Variants in C2 observed in about 807,000 individuals in gnomAD.
The protein encoded by C2 is complement C2.
C2 carries 64 observed loss-of-function variants against 85.2 expected under a neutral mutation model. The observed-to-expected ratio is 0.75, with a 90% CI of 0.61 to 0.92. The LOEUF (loss-of-function observed/expected upper bound fraction) is 0.92, where lower values mean the gene tolerates loss of function less well. Ranked by LOEUF, C2 falls within the 40% of genes least tolerant of loss-of-function variation. The probability of loss-of-function intolerance (pLI) is 0.00; values close to 1 mark genes in which losing one functional copy is unlikely to be tolerated. For missense variants in C2, 820 were observed against 971.6 expected, an observed-to-expected ratio of 0.84 and a Z score of 2.07; for synonymous variants, 311 against 370.8, an observed-to-expected ratio of 0.84 and a Z score of 1.85.
intron 1 of C2, among the ~76,000 whole-genome samples, chr6:31,907,837 C>A (rs941553327): frequency 1.6e-4 from 17 of 105,088 alleles, no homozygotes; most frequent in African/African-American, 5.1e-4. Context: ...GCTACCACTT[C>A]TGGCTTTTTT....
At chr6:31,918,296 A>G (rs760216781), upstream of C2, among the ~76,000 whole-genome samples, 16 of 151,834 alleles carry the variant, frequency 1.1e-4, no homozygotes, top group Non-Finnish European at 1.9e-4. Flanking sequence ...AAAAAAAAAT[A>G]TTCCTCGAGG....
intron 9 of C2, among the ~76,000 whole-genome samples, chr6:31,939,859 C>T (rs942974133): frequency 1.3e-5 from 2 of 152,108 alleles, no homozygotes; most frequent in Non-Finnish European, 2.9e-5. Flanking sequence ...TCACTGCAAC[C>T]TCCACGTCCT....
In C2 at chr6:31,928,800, G is replaced by T; in HGVS notation, c.325G>T (p.Val109Leu). ...TACCCCACGGCTGGGGTCCTATCCC[G>T]TGGGTGGCAATGTGAGCTTCGAGTG... ...IYTPRLGSYP[V>L]GGNVSFECED... Residue 109 changes from valine (V) to leucine (L), a missense_variant, in exon 3 of 18, where the codon GTG becomes TTG. By Grantham distance (32) the Val-to-Leu change is conservative. Coordinates refer to ENST00000299367, the MANE Select transcript of C2 (RefSeq NM_000063.6). 6.2e-7 allele frequency: 1 copy of T among 1,614,226 alleles called. No homozygotes were observed. The highest frequency in any genetic ancestry group is 8.5e-7 in the Non-Finnish European group (1 of 1,180,040).
upstream of C2, chr6:31,927,543 G>T: frequency 6.7e-7 from 1 of 1,482,406 alleles, no homozygotes; most frequent in Non-Finnish European, 8.9e-7. The surrounding 1 kb of genome is among the most constrained non-coding windows in gnomAD (Gnocchi z 4.7). Context: ...ATTAGCATCA[G>T]GGAGACAGGG....
At chr6:31,897,801 C>T (rs907323892), upstream of C2, 1 of 983,480 alleles carries the variant, frequency 1.0e-6, no homozygotes, top group Non-Finnish European at 1.2e-6. Flanking sequence ...CCCCTGAGAG[C>T]GGCCTCGGAG....
rs1237229250 is a variant in C2, at chr6:31,928,810, A to T, written c.335A>T (p.Asn112Ile). The T allele has an allele frequency of 1.2e-6, 2 of 1,614,086 alleles. No individual in the cohort carries two copies. The highest frequency in any genetic ancestry group is 2.7e-5 in the African/African-American group (2 of 74,918). ...CTGGGGTCCTATCCCGTGGGTGGCA[A>T]TGTGAGCTTCGAGTGTGAGGATGGC... ...PRLGSYPVGG[N>I]VSFECEDGFI... Residue 112 changes from asparagine (N) to isoleucine (I), a missense_variant, in exon 3 of 18, where the codon AAT becomes ATT. Transcript: ENST00000299367.
rs1335605972 is a variant in C2 at position 31,904,456 on chromosome 6, G to GT, written c.73+3317_73+3318insT. ...AACCTCCCAAGTAGCTGGGATTACA[G>GT]GTGCCCGCCACCATGCCTAGCTAAT... On this transcript the variant is annotated intron_variant, in intron 1 of 3. Transcript: ENST00000452202. This position sits in a 1 kb window ranked among gnomAD's most constrained non-coding sequence, Gnocchi z 4.4. Among the ~76,000 whole-genome samples, 1 of 151,926 alleles carries GT rather than the reference G, an allele frequency of 6.6e-6. No homozygotes were observed.
chr6:31,917,680 C>A (rs193114745), upstream of C2, among the ~76,000 whole-genome samples: 12 of 151,472 alleles, frequency 7.9e-5, no homozygotes, highest in East Asian at 2.4e-3. Flanking sequence ...CTGAGGTAGG[C>A]GGATCACCTG....
Position 31,944,604 on chromosome 6 carries a change from C to T in C2, c.1903-123C>T. 3.7e-6 allele frequency: 4 copies of T among 1,075,858 alleles called. No homozygotes were observed. The highest frequency in any genetic ancestry group is 5.8e-6 in the Non-Finnish European group (4 of 694,554). The allele number at this position is 1,075,858 out of a possible 1,614,324, so 66.6% of individuals were successfully genotyped here. ...CCATGTTGGCCAGGATGGTCTTGAA[C>T]TCCTGACCTCAAGTGATCTGCCTGC... is the stretch of plus-strand genomic sequence containing the variant. On this transcript the variant is annotated intron_variant, in intron 15 of 17. Transcript: ENST00000299367. The surrounding 1 kb of genome is among the most constrained non-coding windows in gnomAD (Gnocchi z 5.1).
intron 1 of C2, chr6:31,902,017 T>A (rs1401121363): frequency 6.9e-6 from 1 of 145,904 alleles, no homozygotes; most frequent in East Asian, 2.1e-4. Flanking sequence ...CGGGGGCGGC[T>A]CGTGCCGTGT....
upstream of C2, chr6:31,927,603 C>T (rs1582064824): frequency 6.3e-6 from 10 of 1,577,704 alleles, no homozygotes; most frequent in East Asian, 2.2e-4. The surrounding 1 kb of genome is among the most constrained non-coding windows in gnomAD (Gnocchi z 4.7). Flanking sequence ...TATTATTTCC[C>T]TAACAGAAGA....
intron 9 of C2, 144 bp downstream of exon 9, chr6:31,939,464 G>T: frequency 1.6e-6 from 1 of 629,186 alleles, no homozygotes; most frequent in East Asian, 3.0e-5. Flanking sequence ...AACTCATGTT[G>T]AAGAGCCTGG....
chr6:31,933,711 G>A lies in C2; in HGVS notation c.544G>A (p.Val182Met). Residue 182 changes from valine to methionine, a missense_variant, in exon 4 of 18, where the codon GTG becomes ATG. Coordinates refer to ENST00000299367, the MANE Select transcript of C2 (RefSeq NM_000063.6). ...CCGCTATCGCTGCTCCTCGAATCTT[G>A]TGCTCACGGGGTCTTCGGAGCGGGA... ...KVRYRCSSNL[V>M]LTGSSERECQ... is the part of the protein sequence containing the mutation. 6.2e-7 allele frequency: 1 copy of A among 1,613,334 alleles called. No homozygotes were observed. Among genetic ancestry groups the A allele is most frequent in the Non-Finnish European group, 8.5e-7 (1 of 1,180,042 alleles).
rs1342429368 is a variant in C2, at chr6:31,933,728, G to A, written c.561G>A (p.Ser187=). Residue 187 remains serine (S), a synonymous_variant, in exon 4 of 18, where the codon TCG becomes TCA. Transcript: ENST00000299367. The part of the protein sequence containing the change: ...CSSNLVLTGS[S]ERECQGNGVW... Reference sequence around the variant, plus strand: ...CGAATCTTGTGCTCACGGGGTCTTCGGAGCGGGAGTGCCAGGGCAACGGGG... The same window carrying A: ...CGAATCTTGTGCTCACGGGGTCTTCAGAGCGGGAGTGCCAGGGCAACGGGG... 3.1e-6 allele frequency: 5 copies of A among 1,613,352 alleles called. No individual in the cohort carries two copies. Among genetic ancestry groups the A allele is most frequent in the East Asian group, 4.5e-5 (2 of 44,896 alleles).
Position 31,928,024 on chromosome 6 carries a change from A to G in C2, c.116A>G (p.His39Arg), listed in dbSNP as rs1769398013. The change falls in exon 2 of 18, where the codon CAT (histidine) becomes CGT (arginine). Residue 39 changes from histidine (H) to arginine (R), a missense_variant. Coordinates refer to ENST00000299367, the MANE Select transcript of C2 (RefSeq NM_000063.6). The part of the protein sequence containing the change: ...NISGGTFTLS[H>R]GWAPGSLLTY... ...TCGGGTGGCACCTTCACCCTCAGCC[A>G]TGGCTGGGCTCCTGGGAGCCTTCTC... 1.2e-6 allele frequency: 2 copies of G among 1,613,882 alleles called. No individual in the cohort carries two copies. Among genetic ancestry groups the G allele is most frequent in the African/African-American group, 2.7e-5 (2 of 74,836 alleles).
intron 1 of C2, among the ~76,000 whole-genome samples, chr6:31,907,160 T>C (rs1254523463): frequency 6.9e-6 from 1 of 145,188 alleles, no homozygotes; most frequent in Admixed American, 6.8e-5. Flanking sequence ...AAAAGCAAAA[T>C]AAAAGCATTA....
intron 3 of C2, chr6:31,932,343 C>G: frequency 5.0e-6 from 1 of 199,778 alleles, no homozygotes. Flanking sequence ...GGCGGAGGGG[C>G]TCCTCACTTC....
At chr6:31,897,815 G>A, upstream of C2, 1 of 1,010,344 alleles carries the variant, frequency 9.9e-7, no homozygotes, top group Non-Finnish European at 1.2e-6. Context: ...CTCGGAGATG[G>A]CTGTGACTGT....
At chr6:31,923,553 C>T (rs538394314), upstream of C2, among the ~76,000 whole-genome samples, 3 of 149,720 alleles carry the variant, frequency 2.0e-5, no homozygotes, top group African/African-American at 4.9e-5. Flanking sequence ...GCACGATCTC[C>T]GCTCACTGCA....
Sources: allele counts gnomAD v4.1 joint callset (sites outside exome capture counted in the v4.1 genomes callset), GRCh38; gene constraint gnomAD v4.1.1; non-coding constraint Gnocchi (gnomAD v3.1); transcripts MANE v1.5; gene names NCBI Gene and HGNC (gene_info 2026-07-23, HGNC 2026-07-21).